The following AGBL4 variants were observed in gnomAD, a reference collection of about 807,000 sequenced individuals.
AGBL4 encodes the protein AGBL carboxypeptidase 4, also known as cytosolic carboxypeptidase 6.
AGBL4 carries 58 observed loss-of-function variants against 66.4 expected under a neutral mutation model. That is an observed-to-expected ratio of 0.87 (90% CI 0.71 to 1.09). The LOEUF (loss-of-function observed/expected upper bound fraction) is 1.09. Among genes scored for constraint, AGBL4 ranks in the 50% least tolerant of loss-of-function variants. AGBL4 has a pLI of 0.00. For synonymous variants in AGBL4, 234 were observed against 222.9 expected, an observed-to-expected ratio of 1.05 and a Z score of -0.44; for missense variants, 579 against 631.0, an observed-to-expected ratio of 0.92 and a Z score of 0.88.
intron 3 of AGBL4, among the ~76,000 whole-genome samples, chr1:49,371,817 CTGTGTG>C (rs55882947): frequency 0.072 from 10,057 of 139,942 alleles, 398 homozygotes; most frequent in African/African-American, 0.088. Flanking sequence ...TTTTCAAACT[CTGTGTG>C]TGTGTGTGTG....
chr1:49,553,587 G>A (rs1229240814), intron 3 of AGBL4, among the ~76,000 whole-genome samples: 4 of 152,124 alleles, frequency 2.6e-5, no homozygotes, highest in Admixed American at 6.5e-5. Flanking sequence ...AGTTGGAGTA[G>A]ATAAGTACAA....
chr1:49,231,310 G>A (rs1230752325), intron 4 of AGBL4, among the ~76,000 whole-genome samples: 1 of 152,172 alleles, frequency 6.6e-6, no homozygotes, highest in Non-Finnish European at 1.5e-5. Flanking sequence ...AATTGCTAGG[G>A]AAGGAGTTTG....
At chr1:48,546,411 G>A (rs1158103429) in intron 11 of AGBL4, among the ~76,000 whole-genome samples, 1 of 152,174 alleles carries the variant, frequency 6.6e-6, no homozygotes, top group African/African-American at 2.4e-5. Flanking sequence ...AGGCTTCATG[G>A]AGGTGCACAT....
chr1:49,681,561 T>C (rs1646693678), intron 3 of AGBL4, among the ~76,000 whole-genome samples: 1 of 152,188 alleles, frequency 6.6e-6, no homozygotes, highest in African/African-American at 2.4e-5. Context: ...AGTCCCTAGA[T>C]GGTCTGCCTT....
rs145735684 is a variant in AGBL4, at chr1:49,667,510, G to C, written c.282+29803C>G. Among the ~76,000 whole-genome samples, 72 of 151,990 alleles carry C rather than the reference G, an allele frequency of 4.7e-4. 1 individual carries two copies. In the East Asian group the frequency reaches 0.011, roughly 23 times the overall value. Reference sequence around the variant, plus strand: ...TTTATCTTTAAAATATTTGAAAATAGAAGGAAAAAAATAAGCATAAATATT... The same window carrying C: ...TTTATCTTTAAAATATTTGAAAATACAAGGAAAAAAATAAGCATAAATATT... On this transcript the variant is annotated intron_variant, in intron 3 of 13. Transcript: ENST00000371839.
chr1:49,912,989 C>A (rs989894055), intron 1 of AGBL4, among the ~76,000 whole-genome samples: 2 of 152,182 alleles, frequency 1.3e-5, no homozygotes, highest in Admixed American at 6.5e-5. Flanking sequence ...ACTGTTATAA[C>A]GACAATTAAA....
At chr1:49,011,115 T>G (rs2149006091) in intron 5 of AGBL4, among the ~76,000 whole-genome samples, 1 of 150,592 alleles carries the variant, frequency 6.6e-6, no homozygotes, top group Middle Eastern at 3.4e-3. Flanking sequence ...GGGAGAAAAT[T>G]TTTGCAACCT....
At chr1:49,732,314 A>C (rs1318046258) in intron 2 of AGBL4, among the ~76,000 whole-genome samples, 1 of 152,228 alleles carries the variant, frequency 6.6e-6, no homozygotes. Flanking sequence ...AAGGTCTAGC[A>C]GAAACTGAAA....
intron 4 of AGBL4, among the ~76,000 whole-genome samples, chr1:49,058,059 T>C (rs539300419): frequency 1.7e-4 from 26 of 152,312 alleles, no homozygotes; most frequent in Admixed American, 1.4e-3. Context: ...GAGTAAGATT[T>C]TGCCCAATTT....
chr1:49,215,536 G>A (rs1400106970), intron 4 of AGBL4, among the ~76,000 whole-genome samples: 1 of 152,016 alleles, frequency 6.6e-6, no homozygotes, highest in Admixed American at 6.6e-5. Flanking sequence ...GTTCACTTCT[G>A]TTTTTTCTCA....
intron 2 of AGBL4, among the ~76,000 whole-genome samples, chr1:49,765,103 G>C (rs1047682939): frequency 6.6e-6 from 1 of 152,078 alleles, no homozygotes; most frequent in Non-Finnish European, 1.5e-5. Flanking sequence ...TAACCCAGAG[G>C]CTCCAGCATT....
intron 1 of AGBL4, among the ~76,000 whole-genome samples, chr1:49,970,557 G>T (rs1657969461): frequency 6.6e-6 from 1 of 151,912 alleles, no homozygotes; most frequent in Admixed American, 6.6e-5. Context: ...TTAGCCAGGT[G>T]TGGTGGTGCA....
intron 3 of AGBL4, among the ~76,000 whole-genome samples, chr1:49,501,724 AT>A (rs1430784917): frequency 6.6e-6 from 1 of 151,126 alleles, no homozygotes; most frequent in Non-Finnish European, 1.5e-5. Context: ...GATTTTTCTT[AT>A]TTTTTAATGT....
chr1:49,935,170 C>T (rs1255678492), intron 1 of AGBL4, among the ~76,000 whole-genome samples: 1 of 152,242 alleles, frequency 6.6e-6, no homozygotes, highest in Non-Finnish European at 1.5e-5. Context: ...AACGGCGCTC[C>T]AGGAGATTAT....
chr1:49,917,982 C>G (rs1406084414), intron 1 of AGBL4, among the ~76,000 whole-genome samples: 3 of 152,172 alleles, frequency 2.0e-5, no homozygotes, highest in Non-Finnish European at 4.4e-5. Flanking sequence ...TCCTGAATGA[C>G]TACTGGGTAC....
chr1:49,984,429 AG>A (rs1440829401), intron 1 of AGBL4, among the ~76,000 whole-genome samples: 2 of 152,234 alleles, frequency 1.3e-5, no homozygotes, highest in African/African-American at 4.8e-5. Flanking sequence ...GTCTCTACCC[AG>A]GGTGAACATA....
intron 2 of AGBL4, among the ~76,000 whole-genome samples, chr1:49,760,947 C>T (rs908321529): frequency 5.9e-5 from 9 of 151,946 alleles, no homozygotes; most frequent in African/African-American, 2.2e-4. Flanking sequence ...ACATGTTTTC[C>T]CTCATAAGTG....
intron 3 of AGBL4, among the ~76,000 whole-genome samples, chr1:49,327,813 T>C (rs1645255597): frequency 2.6e-5 from 4 of 152,204 alleles, no homozygotes. Context: ...TAGCAAGTCA[T>C]TAATAAACAG....
intron 4 of AGBL4, among the ~76,000 whole-genome samples, chr1:49,111,344 C>T (rs1645406292): frequency 6.6e-6 from 1 of 152,162 alleles, no homozygotes; most frequent in African/African-American, 2.4e-5. Flanking sequence ...AATCTCCTGA[C>T]CTCCTGATCC....
Sources: gnomAD v4.1 joint callset for allele counts (sites outside exome capture counted in the v4.1 genomes callset) on GRCh38, gnomAD v4.1.1 for gene constraint, MANE v1.5 for transcripts, NCBI Gene and HGNC (gene_info 2026-07-23, HGNC 2026-07-21) for gene names.